DNAH2: variants seen among roughly 807,000 people sequenced by gnomAD.
The protein encoded by DNAH2 is dynein axonemal heavy chain 2.
In DNAH2, 323 loss-of-function variants were observed where a neutral mutation model predicts 523.5. That is an observed-to-expected ratio of 0.62 (90% CI 0.56 to 0.68). The LOEUF is 0.68. Ranked by LOEUF, DNAH2 falls within the 30% of genes least tolerant of loss-of-function variation. The probability of loss-of-function intolerance (pLI) is 0.00; values close to 1 mark genes in which losing one functional copy is unlikely to be tolerated. For missense variants in DNAH2, 4,907 were observed against 5,701.5 expected (o/e 0.86, Z 4.49); for synonymous variants, 2,093 against 2,177.4 (o/e 0.96, Z 1.08).
chr17:7,778,356 A>G lies in DNAH2; in HGVS notation c.5428A>G (p.Thr1810Ala). The G allele has an allele frequency of 6.2e-7, 1 of 1,614,182 alleles. No individual in the cohort carries two copies. The highest frequency in any genetic ancestry group is 8.5e-7 in the Non-Finnish European group (1 of 1,180,030). Residue 1810 changes from threonine to alanine, a missense_variant, in exon 35 of 86, where the codon ACC (threonine) becomes GCC (alanine). Thr to Ala is a moderately conservative substitution (Grantham distance 58). Around this residue, in one of 3 missense-constraint regions of DNAH2, gnomAD observed 2,806 missense variants for 3,190.8 expected, o/e 0.88. Transcript: ENST00000572933. ...SPKGPAGTGK[T>A]ETVKDLGKAL... Reference sequence around the variant, plus strand: ...CAAAGGCCCTGCAGGCACAGGCAAGACCGAGACCGTCAAGGACCTGGGCAA... The same window carrying G: ...CAAAGGCCCTGCAGGCACAGGCAAGGCCGAGACCGTCAAGGACCTGGGCAA...
At chr17:7,758,791 T>C in intron 14 of DNAH2, 94 bp from the exon 15 acceptor site, 1 of 1,573,278 alleles carries the variant, frequency 6.4e-7, no homozygotes, top group Non-Finnish European at 8.6e-7. Context: ...TTGTGTGTCA[T>C]CCAGTCTAGC....
intron 2 of DNAH2, among the ~76,000 whole-genome samples, chr17:7,720,528 C>G (rs999516152): frequency 2.0e-5 from 3 of 152,218 alleles, no homozygotes; most frequent in Admixed American, 6.5e-5. Context: ...GTGGGTGAGC[C>G]GGAGCCAGTA....
At chr17:7,737,406 AC>A in intron 8 of DNAH2, 148 bp downstream of exon 8, 1 of 888,350 alleles carries the variant, frequency 1.1e-6, no homozygotes, top group Non-Finnish European at 1.7e-6. Flanking sequence ...GAAGGCTTCT[AC>A]CGGCATGATC....
chr17:7,831,247 A>G lies in DNAH2; in HGVS notation c.12392A>G (p.Asp4131Gly). Residue 4131 changes from aspartate to glycine, a missense_variant, in exon 80 of 86, where the codon GAT becomes GGT. Coordinates refer to ENST00000572933, the MANE Select transcript of DNAH2 (RefSeq NM_020877.5). This position sits in a 1 kb window ranked among gnomAD's most constrained non-coding sequence, Gnocchi z 4.2. ...SQITEAQTLFDTLLSLQPQIT... is the reference protein window; with the variant it reads ...SQITEAQTLFGTLLSLQPQIT... ...ATCACTGAGGCACAAACCCTCTTTGATACTTTGCTTTCCTTGCAACCTCAG... is the reference window on the plus strand; with the variant it reads ...ATCACTGAGGCACAAACCCTCTTTGGTACTTTGCTTTCCTTGCAACCTCAG... The G allele has an allele frequency of 6.2e-7, 1 of 1,614,094 alleles. No homozygotes were observed. The highest frequency in any genetic ancestry group is 8.5e-7 in the Non-Finnish European group (1 of 1,180,016).
chr17:7,721,758 G>A (rs2074615337), intron 2 of DNAH2, among the ~76,000 whole-genome samples: 1 of 152,214 alleles, frequency 6.6e-6, no homozygotes. Context: ...AATCTCCTGT[G>A]TGACTAGTAG....
intron 2 of DNAH2, among the ~76,000 whole-genome samples, chr17:7,722,870 C>G (rs1263284265): frequency 1.3e-5 from 2 of 151,964 alleles, no homozygotes; most frequent in African/African-American, 4.8e-5. Context: ...CTCTTTGAGT[C>G]CTTGCTTTCA....
chr17:7,790,359 A>T (rs552283652), intron 44 of DNAH2, among the ~76,000 whole-genome samples: 70 of 151,788 alleles, frequency 4.6e-4, no homozygotes, highest in Non-Finnish European at 8.0e-4. Flanking sequence ...AGTAGCTGGG[A>T]CCGCAGGCGT....
intron 24 of DNAH2, among the ~76,000 whole-genome samples, chr17:7,768,974 A>G (rs1338079207): frequency 6.6e-6 from 1 of 152,164 alleles, no homozygotes; most frequent in Non-Finnish European, 1.5e-5. Flanking sequence ...GTGATTCCAC[A>G]TCTTAGCTAT....
At position 7,798,105 on chromosome 17, in the gene DNAH2, C is replaced by T. The variant is rs1454335211; in HGVS notation, c.8231-52C>T. The T allele has an allele frequency of 3.3e-6, 5 of 1,532,248 alleles. No homozygotes were observed. The highest frequency in any genetic ancestry group is 4.0e-5 in the Admixed American group (2 of 50,620). 94.9% of individuals were successfully genotyped at this position (1,532,248 alleles called of 1,614,324 possible). A position where few individuals can be genotyped will look rare whatever the true frequency, so the allele number is the denominator to read the frequency against. ...AATCCCTAGCCTAGGGCCTGGAGGT[C>T]CCCTGAGTTTGCTCAGCCAACTCAT... On this transcript the variant is annotated intron_variant, in intron 53 of 85. Coordinates refer to ENST00000572933, the MANE Select transcript of DNAH2 (RefSeq NM_020877.5). This position sits in a 1 kb window ranked among gnomAD's most constrained non-coding sequence, Gnocchi z 5.5.
Position 7,798,097 on chromosome 17 carries a change from C to G in DNAH2, c.8231-60C>G. 2 of 1,525,914 alleles carry G rather than the reference C, an allele frequency of 1.3e-6. No individual in the cohort carries two copies. Among genetic ancestry groups the G allele is most frequent in the Non-Finnish European group, 1.8e-6 (2 of 1,136,416 alleles). 94.5% of individuals were successfully genotyped at this position (1,525,914 alleles called of 1,614,324 possible). The stretch of plus-strand genomic sequence containing the variant: ...GGGGCCCCAATCCCTAGCCTAGGGC[C>G]TGGAGGTCCCCTGAGTTTGCTCAGC... On this transcript the variant is annotated intron_variant, in intron 53 of 85. Transcript: ENST00000572933. The surrounding 1 kb of genome is among the most constrained non-coding windows in gnomAD (Gnocchi z 5.5).
Position 7,830,643 on chromosome 17 carries a change from TG to T in DNAH2, c.12046-12del, listed in dbSNP as rs2078145011. ...TAACTCTGGGAATGGGGGCTTGGGC[TG>T]GGATCATGCCTAGGTGTCAGAAAAC... On this transcript the variant is annotated splice_polypyrimidine_tract_variant and intron_variant, in intron 78 of 85. Coordinates refer to ENST00000572933, the MANE Select transcript of DNAH2 (RefSeq NM_020877.5). 4 of 1,613,290 alleles carry T rather than the reference TG, an allele frequency of 2.5e-6. No homozygotes were observed. The highest frequency in any genetic ancestry group is 3.4e-6 in the Non-Finnish European group (4 of 1,179,342).
At position 7,796,664 on chromosome 17, in the gene DNAH2, C is replaced by A; in HGVS notation, c.7863+12C>A. 6.2e-7 allele frequency: 1 copy of A among 1,605,812 alleles called. No homozygotes were observed. The highest frequency in any genetic ancestry group is 8.5e-7 in the Non-Finnish European group (1 of 1,176,226). On this transcript the variant is annotated intron_variant, in intron 50 of 85. Coordinates refer to ENST00000572933, the MANE Select transcript of DNAH2 (RefSeq NM_020877.5). ...GAGACATCTCCAAGGTGACTCGCGG[C>A]CTGACCTTGCCCCTTCTGCTTGGCC...
At chr17:7,776,201 C>A (rs1278632616) in intron 31 of DNAH2, 52 bp downstream of exon 31, 10 of 1,593,382 alleles carry the variant, frequency 6.3e-6, no homozygotes, top group Non-Finnish European at 8.6e-6. Flanking sequence ...CACGGTGGCT[C>A]ACGCCTGTAA....
intron 79 of DNAH2, 104 bp from the exon 80 acceptor site, chr17:7,830,982 G>T: frequency 6.6e-7 from 1 of 1,506,750 alleles, no homozygotes; most frequent in Non-Finnish European, 9.1e-7. Context: ...TGGGGAGCAG[G>T]GCAGGGAGCT....
At chr17:7,749,912 G>A (rs1056959254) in intron 12 of DNAH2, among the ~76,000 whole-genome samples, 6 of 152,076 alleles carry the variant, frequency 3.9e-5, no homozygotes, top group Admixed American at 2.6e-4. Flanking sequence ...GGAGAATCTC[G>A]CTTGAACCCG....
intron 3 of DNAH2, 51 bp from the exon 4 acceptor site, chr17:7,727,071 G>T: frequency 1.3e-6 from 2 of 1,484,452 alleles, no homozygotes; most frequent in South Asian, 3.0e-5. Flanking sequence ...TGGGAGGAAT[G>T]ACTCATCCTG....
At chr17:7,827,769 A>G (rs2078061023) in intron 77 of DNAH2, among the ~76,000 whole-genome samples, 1 of 151,884 alleles carries the variant, frequency 6.6e-6, no homozygotes. Context: ...TACATGGATA[A>G]CCAATTCTCC....
At chr17:7,791,281 G>A (rs1268791696) in intron 44 of DNAH2, among the ~76,000 whole-genome samples, 24 of 152,010 alleles carry the variant, frequency 1.6e-4, no homozygotes, top group Admixed American at 1.6e-3. Flanking sequence ...ATGTTGGCCA[G>A]GCTGGTCTCG....
chr17:7,795,940 T>TATGA (rs2077049088), intron 49 of DNAH2, among the ~76,000 whole-genome samples: 1 of 147,204 alleles, frequency 6.8e-6, no homozygotes, highest in African/African-American at 2.5e-5. Context: ...GAAGTTGCAG[T>TATGA]ATAAATAAAT....
Sources: allele counts gnomAD v4.1 joint callset (sites outside exome capture counted in the v4.1 genomes callset), GRCh38; gene constraint gnomAD v4.1.1; regional missense constraint gnomAD v4.1.1; non-coding constraint Gnocchi (gnomAD v3.1); transcripts MANE v1.5; gene names NCBI Gene and HGNC (gene_info 2026-07-23, HGNC 2026-07-21).